The following PDE6C variants were observed in gnomAD, a reference collection of about 807,000 sequenced individuals.
The protein encoded by PDE6C is cone cGMP-specific 3',5'-cyclic phosphodiesterase subunit alpha'.
In PDE6C, 75 loss-of-function variants were observed where a neutral mutation model predicts 113.1. That is an observed-to-expected ratio of 0.66 (90% CI 0.55 to 0.80). The LOEUF is 0.80. Ranked by LOEUF, PDE6C falls within the 30% of genes least tolerant of loss-of-function variation. PDE6C has a pLI of 0.00. For missense variants in PDE6C, 912 were observed against 1,038.6 expected, an observed-to-expected ratio of 0.88 and a Z score of 1.67; for synonymous variants, 375 against 363.7, an observed-to-expected ratio of 1.03 and a Z score of -0.35.
chr10:93,626,384 G>C (rs2058473031), intron 5 of PDE6C, among the ~76,000 whole-genome samples: 1 of 152,156 alleles, frequency 6.6e-6, no homozygotes, highest in Non-Finnish European at 1.5e-5. Context: ...CACCCCAAAA[G>C]CTGTTTGGGG....
intron 15 of PDE6C, among the ~76,000 whole-genome samples, chr10:93,655,417 A>C (rs2058631870): frequency 6.6e-6 from 1 of 152,174 alleles, no homozygotes; most frequent in Admixed American, 6.5e-5. Flanking sequence ...CAATTAATAC[A>C]AGCACATTTT....
chr10:93,630,637 C>T (rs1199119902), intron 8 of PDE6C, among the ~76,000 whole-genome samples: 2 of 152,118 alleles, frequency 1.3e-5, no homozygotes, highest in African/African-American at 2.4e-5. Context: ...CTGCCCTCCC[C>T]GGTGGGTACC....
At position 93,612,984 on chromosome 10, in the gene PDE6C, C is replaced by CT; in HGVS notation, c.260dup (p.Ala88GlyfsTer7). 1 of 1,613,968 alleles carries CT rather than the reference C, an allele frequency of 6.2e-7. No homozygotes were observed. Among genetic ancestry groups the CT allele is most frequent in the East Asian group, 2.2e-5 (1 of 44,866 alleles). On this transcript the variant is annotated frameshift_variant, in exon 1 of 22. Coordinates refer to ENST00000371447, the MANE Select transcript of PDE6C (RefSeq NM_006204.4). LOFTEE classifies it high-confidence loss of function. ...GGGGGTTCACAGGGCCCTGCAGAGG[C>CT]TGGCCCACCTGCTCCAGGCTGACCG...
intron 15 of PDE6C, among the ~76,000 whole-genome samples, chr10:93,650,726 T>C (rs954910594): frequency 2.0e-5 from 3 of 152,200 alleles, no homozygotes; most frequent in Non-Finnish European, 4.4e-5. Context: ...CTAAAATGAA[T>C]AACAAATGAC....
chr10:93,639,958 C>A, intron 11 of PDE6C, 112 bp from the exon 12 acceptor site: 2 of 1,099,616 alleles, frequency 1.8e-6, no homozygotes, highest in Non-Finnish European at 2.8e-6. Context: ...TTCAGTGAAT[C>A]ACACATTGTG....
rs1302235355 is a variant in PDE6C at position 93,662,636 on chromosome 10, T to C, written c.2360T>C (p.Val787Ala). The C allele has an allele frequency of 7.6e-7, 1 of 1,308,440 alleles. No individual in the cohort carries two copies. Among genetic ancestry groups the C allele is most frequent in the Non-Finnish European group, 1.1e-6 (1 of 901,426 alleles). 81.1% of individuals were successfully genotyped at this position (1,308,440 alleles called of 1,614,324 possible). A position where few individuals can be genotyped will look rare whatever the true frequency, so the allele number is the denominator to read the frequency against. The change falls in exon 20 of 22, where the codon GTA becomes GCA. Residue 787 changes from valine (V) to alanine (A), a missense_variant. Transcript: ENST00000371447. ...TTTATTGATTTTGTTTGTACTTTTG[T>C]ATATAAGGTAAGTAAGCAAATTATT... is the stretch of plus-strand genomic sequence containing the variant. ...VGFIDFVCTF[V>A]YKEFSRFHKE... is the part of the protein sequence containing the mutation.
chr10:93,656,638 C>T (rs981420306), intron 16 of PDE6C, among the ~76,000 whole-genome samples: 4 of 151,978 alleles, frequency 2.6e-5, no homozygotes, highest in African/African-American at 9.7e-5. Context: ...GGCACAACCT[C>T]GGGTCACTGC....
chr10:93,660,406 C>T (rs902006912), intron 18 of PDE6C, among the ~76,000 whole-genome samples: 8 of 152,060 alleles, frequency 5.3e-5, no homozygotes, highest in African/African-American at 1.7e-4. Flanking sequence ...TTAGCAAGGC[C>T]GATTTGTTCA....
At chr10:93,629,140 A>G (rs112088368) in intron 7 of PDE6C, 118 bp from the exon 8 acceptor site, 23 of 836,708 alleles carry the variant, frequency 2.7e-5, no homozygotes, top group Non-Finnish European at 8.4e-6. Flanking sequence ...GCCCGCAAGC[A>G]GTCAAGAGCC....
At chr10:93,640,361 AC>A in intron 12 of PDE6C, 88 bp from the exon 13 acceptor site, 1 of 1,256,820 alleles carries the variant, frequency 8.0e-7, no homozygotes, top group Non-Finnish European at 1.2e-6. Context: ...TATCTACAAG[AC>A]CAACACATCT....
At chr10:93,621,364 G>A (rs2058445400) in intron 3 of PDE6C, among the ~76,000 whole-genome samples, 1 of 152,168 alleles carries the variant, frequency 6.6e-6, no homozygotes. Context: ...TTAATTTGAG[G>A]AGCATATTAT....
At chr10:93,627,619 G>A (rs183679235) in intron 7 of PDE6C, among the ~76,000 whole-genome samples, 20 of 152,234 alleles carry the variant, frequency 1.3e-4, no homozygotes, top group African/African-American at 4.3e-4. Context: ...TGACCCACCT[G>A]TAAATGTTCT....
chr10:93,631,443 G>A lies in PDE6C; in HGVS notation c.1119+2138G>A, dbSNP rs151135176. ...CCAGATACCCTGCCAGGCAGCTTGG[G>A]CCCTAGGAATGCCTAACAGCTCTGC... On this transcript the variant is annotated intron_variant, in intron 8 of 21. Coordinates refer to ENST00000371447, the MANE Select transcript of PDE6C (RefSeq NM_006204.4). Among the ~76,000 whole-genome samples the A allele has an allele frequency of 1.4e-3, 219 of 152,342 alleles. 2 individuals are homozygous for A. Among genetic ancestry groups the A allele is most frequent in the African/African-American group, 5.1e-3 (214 of 41,574 alleles).
chr10:93,644,790 A>G (rs965301222), intron 14 of PDE6C, among the ~76,000 whole-genome samples: 5 of 146,974 alleles, frequency 3.4e-5, no homozygotes, highest in African/African-American at 1.2e-4. Context: ...GTATATATAT[A>G]TATATAGTAT....
chr10:93,665,825 G>T lies in PDE6C; in HGVS notation c.*407G>T. On this transcript the variant is annotated 3_prime_UTR_variant, in exon 22 of 22. Transcript: ENST00000371447. Reference sequence around the variant, plus strand: ...TCAAGATCAAGGAGTTGGCAGGGTTGGTTTCTTGGGAGGCCTCTCAACTTG... The same window carrying T: ...TCAAGATCAAGGAGTTGGCAGGGTTTGTTTCTTGGGAGGCCTCTCAACTTG... 3.9e-6 allele frequency: 1 copy of T among 257,742 alleles called. No homozygotes were observed. Among genetic ancestry groups the T allele is most frequent in the Non-Finnish European group, 7.5e-6 (1 of 133,414 alleles). 16.0% of individuals were successfully genotyped at this position (257,742 alleles called of 1,614,324 possible).
intron 16 of PDE6C, among the ~76,000 whole-genome samples, chr10:93,657,152 T>G (rs761698519): frequency 9.3e-5 from 14 of 151,154 alleles, no homozygotes; most frequent in Non-Finnish European, 1.9e-4. Context: ...TTGTGTGTTG[T>G]TTTTTTTGTT....
At chr10:93,627,061 G>A (rs984220934) in intron 7 of PDE6C, among the ~76,000 whole-genome samples, 190 bp downstream of exon 7, 3 of 151,936 alleles carry the variant, frequency 2.0e-5, no homozygotes, top group South Asian at 4.2e-4. Context: ...TCAGGAGTTC[G>A]AGACCAGCCT....
intron 15 of PDE6C, among the ~76,000 whole-genome samples, chr10:93,654,774 CT>C (rs144577716): frequency 1.8e-5 from 1 of 55,898 alleles, no homozygotes; most frequent in Admixed American, 2.2e-4. Context: ...TTCTTTCTTT[CT>C]TTCTTTCTTT....
intron 8 of PDE6C, among the ~76,000 whole-genome samples, chr10:93,634,225 G>T (rs2058517035): frequency 6.6e-6 from 1 of 152,136 alleles, no homozygotes. Context: ...GTTTCACCAT[G>T]TTGACCAGGC....
Sources: allele counts gnomAD v4.1 joint callset (sites outside exome capture counted in the v4.1 genomes callset), GRCh38; gene constraint gnomAD v4.1.1; transcripts MANE v1.5; gene names NCBI Gene and HGNC (gene_info 2026-07-23, HGNC 2026-07-21).